AMZ1: variants seen among roughly 807,000 people sequenced by gnomAD.
AMZ1 encodes archaemetzincin-1.
AMZ1 carries 39 observed loss-of-function variants against 29.9 expected under a neutral mutation model. The ratio of observed to expected loss-of-function variants is 1.30; its 90% CI spans 1.01 to 1.70. The LOEUF (loss-of-function observed/expected upper bound fraction) is 1.70. Among genes scored for constraint, AMZ1 ranks in the 40% most tolerant of loss-of-function variants. The pLI, the probability that AMZ1 is intolerant of heterozygous loss-of-function variation, is 0.00. For synonymous variants in AMZ1, 458 were observed against 304.0 expected (o/e 1.51, Z -5.27); for missense variants, 1,041 against 680.6 (o/e 1.53, Z -5.89).
intron 1 of AMZ1, among the ~76,000 whole-genome samples, chr7:2,695,847 C>T (rs1035523572): frequency 1.1e-4 from 16 of 152,022 alleles, no homozygotes; most frequent in African/African-American, 3.4e-4. Flanking sequence ...CCCGTCTCTA[C>T]TAAAAATACA....
chr7:2,726,053 T>A (rs576328589), intron 4 of AMZ1, among the ~76,000 whole-genome samples: 2 of 152,224 alleles, frequency 1.3e-5, no homozygotes, highest in Admixed American at 6.5e-5. Context: ...AGTCTTAAAG[T>A]GGCCTGTCCT....
chr7:2,734,459 T>C (rs1790056536), intron 4 of AMZ1, among the ~76,000 whole-genome samples: 1 of 152,064 alleles, frequency 6.6e-6, no homozygotes, highest in African/African-American at 2.4e-5. Context: ...CTCATGGAAA[T>C]GTACAGGGGC....
In AMZ1 at chr7:2,718,073, C is replaced by T. The variant is rs530396757; in HGVS notation, c.*5195C>T. Reference sequence around the variant, plus strand: ...AACCTCCTGCCCTCTCTGAGAGGGGCCCGAGCTCTCGCAAGATTAACCAGA... The same window carrying T: ...AACCTCCTGCCCTCTCTGAGAGGGGTCCGAGCTCTCGCAAGATTAACCAGA... On this transcript the variant is annotated 3_prime_UTR_variant, in exon 7 of 7. Transcript: ENST00000683327. Among the ~76,000 whole-genome samples, 1 of 152,184 alleles carries T rather than the reference C, an allele frequency of 6.6e-6. No individual in the cohort carries two copies. The highest frequency in any genetic ancestry group is 2.4e-5 in the African/African-American group (1 of 41,426).
At chr7:2,733,640 G>A (rs1318658329) in intron 4 of AMZ1, 1 of 664,086 alleles carries the variant, frequency 1.5e-6, no homozygotes, top group East Asian at 2.8e-5. Context: ...GGCAGAGAGT[G>A]TCCGTGTGTT....
chr7:2,749,213 T>C (rs1790908644), intron 4 of AMZ1, among the ~76,000 whole-genome samples: 2 of 152,152 alleles, frequency 1.3e-5, no homozygotes, highest in Non-Finnish European at 2.9e-5. Context: ...CATGCACACG[T>C]GTGTTTATTG....
chr7:2,752,526 C>G (rs866851955), intron 4 of AMZ1, among the ~76,000 whole-genome samples: 3 of 152,104 alleles, frequency 2.0e-5, no homozygotes, highest in Non-Finnish European at 4.4e-5. Flanking sequence ...TGCAGATCGC[C>G]TAACTGTTCA....
intron 4 of AMZ1, among the ~76,000 whole-genome samples, chr7:2,736,175 C>G (rs955174610): frequency 1.3e-5 from 2 of 152,166 alleles, no homozygotes. Flanking sequence ...GTGGCAGAAA[C>G]TGAGATGTCC....
At position 2,708,692 on chromosome 7, in the gene AMZ1, T is replaced by C; in HGVS notation, c.577T>C (p.Phe193Leu). 6.2e-7 allele frequency: 1 copy of C among 1,613,018 alleles called. No individual in the cohort carries two copies. Among genetic ancestry groups the C allele is most frequent in the Non-Finnish European group, 8.5e-7 (1 of 1,179,988 alleles). Residue 193 changes from phenylalanine to leucine, a missense_variant, in exon 4 of 7, where the codon TTC becomes CTC. Physicochemically the swap from Phe to Leu is conservative, Grantham distance 22. Transcript: ENST00000683327. Reference protein sequence around the residue: ...LYPHEAWSFTFSKFLPGHEVG... With the variant: ...LYPHEAWSFTLSKFLPGHEVG... ...CCCCCATGAGGCCTGGAGCTTCACCTTCAGCAAGTTCCTTCCAGGGCACGG... is the reference window on the plus strand; with the variant it reads ...CCCCCATGAGGCCTGGAGCTTCACCCTCAGCAAGTTCCTTCCAGGGCACGG...
downstream of AMZ1, among the ~76,000 whole-genome samples, chr7:2,723,137 A>G (rs868388528): frequency 4.6e-5 from 7 of 151,822 alleles, no homozygotes; most frequent in South Asian, 1.0e-3. Context: ...ATAAAAGAAG[A>G]AAAAAAAATT....
chr7:2,704,417 G>C (rs750619390), intron 3 of AMZ1, among the ~76,000 whole-genome samples: 1 of 151,980 alleles, frequency 6.6e-6, no homozygotes, highest in African/African-American at 2.4e-5. Context: ...GTTTGAAACT[G>C]CAGTGAGCTG....
chr7:2,727,315 T>C (rs7782516), intron 4 of AMZ1, among the ~76,000 whole-genome samples: 6,182 of 152,148 alleles, frequency 0.041, 387 homozygotes, highest in African/African-American at 0.14. Flanking sequence ...CTCTTGACCT[T>C]GTGATCCGCT....
In AMZ1 at chr7:2,717,939, G is replaced by C. The variant is rs918247711; in HGVS notation, c.*5061G>C. Among the ~76,000 whole-genome samples the C allele has an allele frequency of 1.3e-5, 2 of 152,210 alleles. No homozygotes were observed. ...TTCCCCGCTGCAGTGTTCCCGTGAC[G>C]ATGAGGCAAATCCAAATAGTCACCG... is the stretch of plus-strand genomic sequence containing the variant. On this transcript the variant is annotated 3_prime_UTR_variant, in exon 7 of 7. Coordinates refer to ENST00000683327, the MANE Select transcript of AMZ1 (RefSeq NM_001384743.1).
At chr7:2,723,731 A>T (rs1457203304), downstream of AMZ1, among the ~76,000 whole-genome samples, 1 of 152,224 alleles carries the variant, frequency 6.6e-6, no homozygotes, top group South Asian at 2.1e-4. Flanking sequence ...CCTGCAGGTC[A>T]GGCACCGCGG....
chr7:2,748,241 G>A (rs1468343260), intron 4 of AMZ1, among the ~76,000 whole-genome samples: 14 of 151,538 alleles, frequency 9.2e-5, no homozygotes, highest in South Asian at 8.4e-4. Flanking sequence ...GAGGCATCAC[G>A]CTACCTGACT....
At chr7:2,684,458 A>G (rs1400043509), upstream of AMZ1, among the ~76,000 whole-genome samples, 3 of 152,240 alleles carry the variant, frequency 2.0e-5, no homozygotes, top group African/African-American at 4.8e-5. Flanking sequence ...TCCCCAGGCC[A>G]CACAGTTCTC....
At chr7:2,727,115 C>T (rs1258554511) in intron 4 of AMZ1, among the ~76,000 whole-genome samples, 1 of 152,196 alleles carries the variant, frequency 6.6e-6, no homozygotes, top group Non-Finnish European at 1.5e-5. Flanking sequence ...CAGAGTCCCA[C>T]TCTGTCACCA....
chr7:2,695,736 C>G (rs373479941), intron 1 of AMZ1, among the ~76,000 whole-genome samples: 67 of 150,646 alleles, frequency 4.4e-4, no homozygotes, highest in African/African-American at 1.6e-3. Flanking sequence ...AAAGGCCGGG[C>G]GCAGTGGCTC....
upstream of AMZ1, chr7:2,764,484 G>A (rs1323190969): frequency 6.6e-6 from 1 of 152,176 alleles, no homozygotes; most frequent in African/African-American, 2.4e-5. Context: ...TGAATCCTCT[G>A]AGACGCCCCA....
chr7:2,724,563 C>G (rs1789548878), downstream of AMZ1, among the ~76,000 whole-genome samples: 1 of 152,194 alleles, frequency 6.6e-6, no homozygotes, highest in Admixed American at 6.5e-5. Context: ...CCACGAGGGC[C>G]AGGCTGTGTG....
Sources: allele counts gnomAD v4.1 joint callset (sites outside exome capture counted in the v4.1 genomes callset), GRCh38; gene constraint gnomAD v4.1.1; transcripts MANE v1.5; gene names NCBI Gene and HGNC (gene_info 2026-07-23, HGNC 2026-07-21).